Variants in NRG3 observed in about 807,000 individuals in gnomAD.
NRG3 encodes the protein neuregulin 3, also known as pro-neuregulin-3, membrane-bound isoform.
A neutral mutation model predicts 66.9 loss-of-function variants in NRG3; 31 were observed. That is an observed-to-expected ratio of 0.46 (90% CI 0.35 to 0.63). The LOEUF (loss-of-function observed/expected upper bound fraction) is 0.63, where lower values mean the gene tolerates loss of function less well. Ranked by LOEUF, NRG3 falls within the 20% of genes least tolerant of loss-of-function variation. The probability of loss-of-function intolerance (pLI) is 0.00; values close to 1 mark genes in which losing one functional copy is unlikely to be tolerated. For synonymous variants in NRG3, 393 were observed against 359.4 expected, an observed-to-expected ratio of 1.09 and a Z score of -1.06; for missense variants, 910 against 878.9, an observed-to-expected ratio of 1.04 and a Z score of -0.45.
intron 2 of NRG3, among the ~76,000 whole-genome samples, chr10:82,675,575 C>A (rs1481667188): frequency 3.9e-5 from 6 of 152,174 alleles, no homozygotes; most frequent in Admixed American, 3.3e-4. Context: ...TATGTCTACA[C>A]CTTAGCAGAA....
intron 1 of NRG3, among the ~76,000 whole-genome samples, chr10:81,894,374 T>C (rs999488924): frequency 1.3e-5 from 2 of 152,190 alleles, no homozygotes; most frequent in Admixed American, 1.3e-4. Flanking sequence ...TTTTATTTTC[T>C]AACATTTCTG....
At chr10:82,076,514 A>G (rs2065099563) in intron 1 of NRG3, among the ~76,000 whole-genome samples, 1 of 152,162 alleles carries the variant, frequency 6.6e-6, no homozygotes, top group Non-Finnish European at 1.5e-5. Flanking sequence ...TCATGTTGAA[A>G]TGTTTCCCCA....
chr10:82,308,409 G>T (rs1040598295), intron 1 of NRG3, among the ~76,000 whole-genome samples: 3 of 152,042 alleles, frequency 2.0e-5, no homozygotes, highest in African/African-American at 7.2e-5. Context: ...TTTTGATGGG[G>T]CTCTCTGAGA....
At chr10:81,943,927 A>C (rs1400464164) in intron 1 of NRG3, among the ~76,000 whole-genome samples, 1 of 152,150 alleles carries the variant, frequency 6.6e-6, no homozygotes, top group Non-Finnish European at 1.5e-5. Context: ...CCACATTGTG[A>C]CAAGTGTAGT....
intron 2 of NRG3, among the ~76,000 whole-genome samples, chr10:82,633,056 A>G (rs183443003): frequency 6.4e-4 from 98 of 152,326 alleles, no homozygotes; most frequent in African/African-American, 2.4e-3. Context: ...TGGTCACAGG[A>G]TAGCTACTGT....
chr10:82,445,922 A>G (rs975833327), intron 2 of NRG3, among the ~76,000 whole-genome samples: 1 of 152,232 alleles, frequency 6.6e-6, no homozygotes, highest in Non-Finnish European at 1.5e-5. Context: ...TCTGGCCTCA[A>G]CATACCTAAC....
chr10:82,838,811 C>G (rs574134331), intron 3 of NRG3, among the ~76,000 whole-genome samples: 1 of 152,122 alleles, frequency 6.6e-6, no homozygotes, highest in African/African-American at 2.4e-5. Flanking sequence ...CATTTTCATG[C>G]TGCTGATAAA....
At chr10:82,515,050 A>C (rs1262013839) in intron 2 of NRG3, among the ~76,000 whole-genome samples, 1 of 152,162 alleles carries the variant, frequency 6.6e-6, no homozygotes, top group African/African-American at 2.4e-5. Flanking sequence ...GCTGCTCCAC[A>C]TATGCTAATA....
intron 2 of NRG3, among the ~76,000 whole-genome samples, chr10:82,596,696 C>T (rs997889830): frequency 6.6e-6 from 1 of 152,132 alleles, no homozygotes; most frequent in East Asian, 1.9e-4. Context: ...TCCTCTCTAC[C>T]ACTCTCTTTA....
intron 2 of NRG3, among the ~76,000 whole-genome samples, chr10:82,366,676 A>G (rs1384564251): frequency 6.6e-6 from 1 of 151,824 alleles, no homozygotes; most frequent in Admixed American, 6.6e-5. Flanking sequence ...TGACTTTTTT[A>G]TTTTTTTATT....
chr10:82,543,495 A>G (rs1320601091), intron 2 of NRG3, among the ~76,000 whole-genome samples: 1 of 152,184 alleles, frequency 6.6e-6, no homozygotes, highest in East Asian at 1.9e-4. Context: ...GTCTTTATCC[A>G]TCTCCTATTA....
At chr10:82,348,935 T>G (rs971720680) in intron 1 of NRG3, among the ~76,000 whole-genome samples, 1 of 147,422 alleles carries the variant, frequency 6.8e-6, no homozygotes, top group African/African-American at 2.5e-5. Flanking sequence ...CTTTAAGCAC[T>G]TCTCTGTATT....
At chr10:82,912,860 T>C (rs6585024) in intron 4 of NRG3, among the ~76,000 whole-genome samples, 54,585 of 152,048 alleles carry the variant, frequency 0.36, 10,252 homozygotes, top group East Asian at 0.54. Context: ...CCCTACAGTG[T>C]GCTGTACATT....
intron 1 of NRG3, among the ~76,000 whole-genome samples, chr10:82,008,219 G>A (rs1391427670): frequency 1.3e-5 from 2 of 152,196 alleles, no homozygotes; most frequent in African/African-American, 2.4e-5. Context: ...CTGTCAGAGT[G>A]CTTAGAAGAT....
chr10:82,720,805 T>TTTTATATATATATA (rs2057251997), intron 2 of NRG3, among the ~76,000 whole-genome samples: 4 of 63,504 alleles, frequency 6.3e-5, no homozygotes, highest in African/African-American at 2.9e-4. Context: ...TAGGAGTATT[T>TTTTATATATATATA]TATACATATA....
chr10:82,259,729 A>T (rs1257881346), intron 1 of NRG3, among the ~76,000 whole-genome samples: 1 of 152,106 alleles, frequency 6.6e-6, no homozygotes, highest in Middle Eastern at 3.2e-3. Flanking sequence ...GGAGTTTGAG[A>T]CCAGCCTGAG....
chr10:82,957,845 T>G (rs1287970256), intron 5 of NRG3, among the ~76,000 whole-genome samples: 1 of 152,110 alleles, frequency 6.6e-6, no homozygotes, highest in Non-Finnish European at 1.5e-5. Context: ...ATATTTTCTT[T>G]TAGAGTCTCC....
chr10:82,861,426 T>G (rs1420546736), intron 3 of NRG3, among the ~76,000 whole-genome samples: 4 of 152,228 alleles, frequency 2.6e-5, no homozygotes, highest in Non-Finnish European at 5.9e-5. Flanking sequence ...TTAAGAAGAT[T>G]CCTACTTATC....
At chr10:82,782,551 CTG>C (rs1312159208) in intron 3 of NRG3, among the ~76,000 whole-genome samples, 3 of 152,114 alleles carry the variant, frequency 2.0e-5, no homozygotes, top group Admixed American at 2.0e-4. Flanking sequence ...AGTAGCGAGA[CTG>C]TTGTTATAAC....
Sources: gnomAD v4.1 joint callset for allele counts (sites outside exome capture counted in the v4.1 genomes callset) on GRCh38, gnomAD v4.1.1 for gene constraint, MANE v1.5 for transcripts, NCBI Gene and HGNC (gene_info 2026-07-23, HGNC 2026-07-21) for gene names.